Variants in CHRM3 observed in about 807,000 individuals in gnomAD.
The protein encoded by CHRM3 is cholinergic receptor muscarinic 3.
A neutral mutation model predicts 41.8 loss-of-function variants in CHRM3; 11 were observed. The observed-to-expected ratio is 0.26, with a 90% CI of 0.17 to 0.44. The LOEUF is 0.44. Among genes scored for constraint, CHRM3 ranks in the 20% least tolerant of loss-of-function variants. CHRM3 has a pLI of 1.00. For synonymous variants in CHRM3, 297 were observed against 301.4 expected, an observed-to-expected ratio of 0.99 and a Z score of 0.15; for missense variants, 571 against 745.4, an observed-to-expected ratio of 0.77 and a Z score of 2.72.
At chr1:239,903,428 A>G (rs1679732806) in intron 6 of CHRM3, among the ~76,000 whole-genome samples, 1 of 152,196 alleles carries the variant, frequency 6.6e-6, no homozygotes, top group South Asian at 2.1e-4. Context: ...TGAAATGCAG[A>G]GGCTGTGGAA....
intron 5 of CHRM3, among the ~76,000 whole-genome samples, chr1:239,696,486 G>A (rs932407998): frequency 2.0e-5 from 3 of 152,022 alleles, no homozygotes; most frequent in Admixed American, 2.0e-4. Flanking sequence ...TCCTTAAACT[G>A]TGTGAGTTTC....
intron 3 of CHRM3, among the ~76,000 whole-genome samples, chr1:239,585,891 A>G (rs1373141175): frequency 6.6e-6 from 1 of 152,244 alleles, no homozygotes; most frequent in African/African-American, 2.4e-5. Flanking sequence ...TGCTTCAACT[A>G]AAAAAGATTC....
intron 3 of CHRM3, among the ~76,000 whole-genome samples, chr1:239,590,836 A>G (rs1664046463): frequency 6.6e-6 from 1 of 152,222 alleles, no homozygotes; most frequent in African/African-American, 2.4e-5. Context: ...ATGTTATCAT[A>G]CAGATAAAAG....
intron 6 of CHRM3, among the ~76,000 whole-genome samples, chr1:239,874,757 G>C (rs574975388): frequency 1.2e-3 from 178 of 151,808 alleles, no homozygotes; most frequent in Non-Finnish European, 2.2e-3. Context: ...GGAGTGCAAT[G>C]GCGTGATCTC....
chr1:239,785,597 C>A (rs142302057), intron 5 of CHRM3, among the ~76,000 whole-genome samples: 237 of 152,290 alleles, frequency 1.6e-3, no homozygotes, highest in Non-Finnish European at 2.9e-3. Context: ...TACTTCAGTG[C>A]AGAATTTCTT....
intron 4 of CHRM3, among the ~76,000 whole-genome samples, chr1:239,647,103 A>T (rs1671802796): frequency 6.6e-6 from 1 of 152,010 alleles, no homozygotes. Flanking sequence ...TAAATGTTTG[A>T]TTTATAAAGA....
intron 3 of CHRM3, among the ~76,000 whole-genome samples, chr1:239,600,376 T>C (rs1665368997): frequency 6.6e-6 from 1 of 151,936 alleles, no homozygotes; most frequent in Non-Finnish European, 1.5e-5. Flanking sequence ...CCATACTCCA[T>C]TTCGCCTGCT....
chr1:239,902,092 T>G (rs1431780894), intron 6 of CHRM3, among the ~76,000 whole-genome samples: 1 of 152,186 alleles, frequency 6.6e-6, no homozygotes, highest in Non-Finnish European at 1.5e-5. Context: ...ATCCCTTCTC[T>G]CTACCAGAGT....
At chr1:239,782,061 G>T (rs1478660489) in intron 5 of CHRM3, among the ~76,000 whole-genome samples, 2 of 152,012 alleles carry the variant, frequency 1.3e-5, no homozygotes, top group African/African-American at 4.8e-5. Flanking sequence ...AAGCAATACT[G>T]GTCTATAGTT....
rs1680224924 is a variant in CHRM3, at chr1:239,909,320, A to C, written c.*96A>C. ...GGGCGGGGTGACTTCTGGTGATGATAAAAATGGTTTTATCACCCAGATGTG... is the reference window on the plus strand; with the variant it reads ...GGGCGGGGTGACTTCTGGTGATGATCAAAATGGTTTTATCACCCAGATGTG... On this transcript the variant is annotated 3_prime_UTR_variant, in exon 7 of 7. Transcript: ENST00000676153. The C allele has an allele frequency of 2.3e-6, 3 of 1,328,124 alleles. No homozygotes were observed. The East Asian group carries it at 7.2e-5, about 32-fold the overall frequency. 82.3% of individuals were successfully genotyped at this position (1,328,124 alleles called of 1,614,324 possible).
At chr1:239,643,496 C>T (rs537334568) in intron 4 of CHRM3, among the ~76,000 whole-genome samples, 48 of 152,342 alleles carry the variant, frequency 3.2e-4, no homozygotes, top group East Asian at 7.7e-4. Flanking sequence ...CCCAGCCGCG[C>T]TGCCGCCTTG....
At chr1:239,719,682 C>T (rs1468015583) in intron 5 of CHRM3, 1 of 151,956 alleles carries the variant, frequency 6.6e-6, no homozygotes, top group Non-Finnish European at 1.5e-5. Context: ...GCACGATCTA[C>T]TTGAATGCCT....
Position 239,830,499 on chromosome 1 carries a change from C to T in CHRM3, c.-20+3121C>T, listed in dbSNP as rs147205935. On this transcript the variant is annotated intron_variant, in intron 6 of 6. Transcript: ENST00000676153. ...CGGGCGGATCACGAGCTCAGGAGTT[C>T]GAGACCAGCCTGGACAATATGGTGA... 2.7e-4 allele frequency among the ~76,000 whole-genome samples: 41 copies of T among 152,156 alleles called. 1 individual carries two copies. Among genetic ancestry groups the T allele is most frequent in the African/African-American group, 8.2e-4 (34 of 41,526 alleles).
At chr1:239,428,038 G>A (rs963651852) in intron 1 of CHRM3, among the ~76,000 whole-genome samples, 2 of 152,076 alleles carry the variant, frequency 1.3e-5, no homozygotes, top group African/African-American at 4.8e-5. Context: ...GGAAGATAGG[G>A]GTAGAAAGTT....
intron 5 of CHRM3, among the ~76,000 whole-genome samples, chr1:239,823,476 C>G (rs1024949005): frequency 6.6e-6 from 1 of 152,120 alleles, no homozygotes; most frequent in Non-Finnish European, 1.5e-5. Flanking sequence ...CCGGCTTATG[C>G]TGGTTTTCTA....
chr1:239,491,251 A>T (rs1572482561), intron 1 of CHRM3, among the ~76,000 whole-genome samples: 1 of 152,204 alleles, frequency 6.6e-6, no homozygotes, highest in African/African-American at 2.4e-5. Flanking sequence ...TTGTTTTATT[A>T]TAGTCATCCT....
chr1:239,432,733 T>C (rs1369860004), intron 1 of CHRM3, among the ~76,000 whole-genome samples: 1 of 152,192 alleles, frequency 6.6e-6, no homozygotes, highest in Non-Finnish European at 1.5e-5. Flanking sequence ...ATTGAGGTTT[T>C]ATTGGTACTT....
At chr1:239,413,870 T>G (rs1661298606) in intron 1 of CHRM3, among the ~76,000 whole-genome samples, 1 of 152,202 alleles carries the variant, frequency 6.6e-6, no homozygotes, top group Admixed American at 6.5e-5. Flanking sequence ...TAAATGTCAG[T>G]TTGTTTTTCA....
chr1:239,740,466 T>C (rs117095206), intron 5 of CHRM3, among the ~76,000 whole-genome samples: 2,596 of 152,144 alleles, frequency 0.017, 82 homozygotes, highest in East Asian at 0.12. Context: ...GTGGTTTTTT[T>C]TTTTCTTTAA....
Sources: allele counts gnomAD v4.1 joint callset (sites outside exome capture counted in the v4.1 genomes callset), GRCh38; gene constraint gnomAD v4.1.1; transcripts MANE v1.5; gene names NCBI Gene and HGNC (gene_info 2026-07-23, HGNC 2026-07-21).